FAR2: variants seen among roughly 807,000 people sequenced by gnomAD.
The protein encoded by FAR2 is epididymis secretory protein Li 81.
In FAR2, 19 loss-of-function variants were observed where a neutral mutation model predicts 56.0. The ratio of observed to expected loss-of-function variants is 0.34; its 90% CI spans 0.24 to 0.50. The LOEUF is 0.50. Ranked by LOEUF, FAR2 falls within the 20% of genes least tolerant of loss-of-function variation. FAR2 has a pLI of 0.98. For missense variants in FAR2, 508 were observed against 642.2 expected (o/e 0.79, Z 2.26); for synonymous variants, 219 against 218.8 (o/e 1.00, Z -0.01).
At chr12:29,274,884 C>A (rs1295205450) in intron 2 of FAR2, among the ~76,000 whole-genome samples, 1 of 151,426 alleles carries the variant, frequency 6.6e-6, no homozygotes. Flanking sequence ...CCCGCCTGCA[C>A]CCAGGTGAAA....
chr12:29,228,967 C>A (rs10771501), intron 1 of FAR2, among the ~76,000 whole-genome samples: 94,359 of 151,934 alleles, frequency 0.62, 29,410 homozygotes, highest in East Asian at 0.69. Context: ...ATTTTCTTCA[C>A]GTGCAGAAAC....
chr12:29,311,794 C>G (rs1480583974), intron 7 of FAR2, 89 bp from the exon 8 acceptor site: 2 of 931,888 alleles, frequency 2.1e-6, no homozygotes, highest in Non-Finnish European at 3.2e-6. Context: ...ATTACTGAAA[C>G]CACTCTGTCT....
intron 1 of FAR2, among the ~76,000 whole-genome samples, chr12:29,261,317 A>C (rs991100595): frequency 1.3e-5 from 2 of 152,220 alleles, no homozygotes; most frequent in Non-Finnish European, 2.9e-5. Flanking sequence ...GTCTCTTAAC[A>C]TGAGAGTTGA....
chr12:29,165,496 G>C (rs1469625736), intron 1 of FAR2, among the ~76,000 whole-genome samples: 2 of 152,158 alleles, frequency 1.3e-5, no homozygotes, highest in African/African-American at 4.8e-5. Context: ...ATTATTGAAA[G>C]CATAATTTTG....
intron 1 of FAR2, among the ~76,000 whole-genome samples, chr12:29,154,976 C>G (rs1163607721): frequency 6.6e-6 from 1 of 152,134 alleles, no homozygotes; most frequent in African/African-American, 2.4e-5. Context: ...TCTCTTTAAT[C>G]CTACTTAGTT....
At chr12:29,211,576 T>C (rs1262930802) in intron 1 of FAR2, among the ~76,000 whole-genome samples, 3 of 152,146 alleles carry the variant, frequency 2.0e-5, no homozygotes, top group Non-Finnish European at 4.4e-5. Context: ...CTGCTCCTAT[T>C]GCAGTAGTTG....
intron 11 of FAR2, chr12:29,333,237 G>A: frequency 4.2e-6 from 1 of 235,482 alleles, no homozygotes; most frequent in South Asian, 6.2e-5. Context: ...AGATGATAAG[G>A]ATAAAAAAGT....
chr12:29,230,005 T>C (rs1349163800), intron 1 of FAR2, among the ~76,000 whole-genome samples: 1 of 152,004 alleles, frequency 6.6e-6, no homozygotes, highest in Non-Finnish European at 1.5e-5. Context: ...GATACAGCAG[T>C]GAACAAAACA....
At chr12:29,295,493 A>C (rs1209154069) in intron 3 of FAR2, among the ~76,000 whole-genome samples, 2 of 152,186 alleles carry the variant, frequency 1.3e-5, no homozygotes, top group Non-Finnish European at 2.9e-5. Context: ...ATTACCTTGC[A>C]TATGTAGAAT....
intron 1 of FAR2, among the ~76,000 whole-genome samples, chr12:29,176,985 C>A (rs1419567031): frequency 6.6e-6 from 1 of 152,216 alleles, no homozygotes; most frequent in African/African-American, 2.4e-5. Context: ...ATGCTGACCT[C>A]CTGTCCATCA....
At chr12:29,284,831 T>TTTTGTTTG (rs71042977) in intron 2 of FAR2, among the ~76,000 whole-genome samples, 48,725 of 149,592 alleles carry the variant, frequency 0.33, 7,973 homozygotes, top group Non-Finnish European at 0.36. Context: ...AGCATTACTG[T>TTTTGTTTG]TTTGTTTGTT....
chr12:29,226,745 G>A (rs1274642603), intron 1 of FAR2, among the ~76,000 whole-genome samples: 4 of 152,054 alleles, frequency 2.6e-5, no homozygotes, highest in Non-Finnish European at 4.4e-5. Context: ...AAGCCTGTGT[G>A]TCTCTAAATT....
At chr12:29,295,970 T>G (rs998839913) in intron 3 of FAR2, among the ~76,000 whole-genome samples, 12 of 150,748 alleles carry the variant, frequency 8.0e-5, no homozygotes, top group African/African-American at 2.9e-4. Flanking sequence ...GGGTTTCACC[T>G]TGTTAGCCAG....
chr12:29,249,150 G>T (rs1948171311), intron 1 of FAR2, among the ~76,000 whole-genome samples: 1 of 152,196 alleles, frequency 6.6e-6, no homozygotes, highest in Admixed American at 6.5e-5. Flanking sequence ...GAAGTGATAA[G>T]TGTCCATGAA....
intron 10 of FAR2, among the ~76,000 whole-genome samples, chr12:29,329,815 A>C (rs1247490561): frequency 6.6e-6 from 1 of 152,198 alleles, no homozygotes; most frequent in Non-Finnish European, 1.5e-5. Context: ...TAGAAATAAA[A>C]TAAAATGCAA....
chr12:29,300,043 G>C (rs1220174015), intron 4 of FAR2, among the ~76,000 whole-genome samples: 1 of 152,168 alleles, frequency 6.6e-6, no homozygotes, highest in African/African-American at 2.4e-5. Context: ...GCTCCTCTTT[G>C]CATCTCCAGC....
At chr12:29,170,548 ATC>A (rs1319364740) in intron 1 of FAR2, among the ~76,000 whole-genome samples, 1 of 151,854 alleles carries the variant, frequency 6.6e-6, no homozygotes, top group Non-Finnish European at 1.5e-5. Context: ...TAGTATTTTC[ATC>A]TCTCTTTCTT....
chr12:29,253,537 A>G (rs1948268909), intron 1 of FAR2, among the ~76,000 whole-genome samples: 1 of 152,060 alleles, frequency 6.6e-6, no homozygotes, highest in Admixed American at 6.5e-5. Context: ...ATCTATTTGA[A>G]AAAGCCTTTA....
chr12:29,279,637 A>G (rs1156260161), intron 2 of FAR2, among the ~76,000 whole-genome samples: 3 of 152,148 alleles, frequency 2.0e-5, no homozygotes, highest in African/African-American at 7.2e-5. Context: ...TGGATGGTTA[A>G]AGATGCTAAA....
Sources: gnomAD v4.1 joint callset for allele counts (sites outside exome capture counted in the v4.1 genomes callset) on GRCh38, gnomAD v4.1.1 for gene constraint, MANE v1.5 for transcripts, NCBI Gene and HGNC (gene_info 2026-07-23, HGNC 2026-07-21) for gene names.